PPP1R12B: variants seen among roughly 807,000 people sequenced by gnomAD.
PPP1R12B encodes myosin phosphatase target subunit 2.
Under a neutral mutation model 126.1 loss-of-function variants are expected in PPP1R12B, and 76 were observed. The ratio of observed to expected loss-of-function variants is 0.60; its 90% confidence interval spans 0.50 to 0.73. The LOEUF is 0.73. Among genes scored for constraint, PPP1R12B ranks in the 30% least tolerant of loss-of-function variants. The probability of loss-of-function intolerance (pLI) is 0.00; values close to 1 mark genes in which losing one functional copy is unlikely to be tolerated. For synonymous variants in PPP1R12B, 356 were observed against 434.7 expected (o/e 0.82, Z 2.25); for missense variants, 1,052 against 1,205.1 (o/e 0.87, Z 1.88).
At position 202,562,770 on chromosome 1, in the gene PPP1R12B, TC is replaced by T; in HGVS notation, c.2508-5del. ...ACCAATTTTTATCTTTAATATTATCTCCCACAGGTTGGAATCGGGAGGTAGT... is the reference window on the plus strand; with the variant it reads ...ACCAATTTTTATCTTTAATATTATCTCCACAGGTTGGAATCGGGAGGTAGT... On this transcript the variant is annotated splice_polypyrimidine_tract_variant and splice_region_variant and intron_variant, in intron 19 of 23. Transcript: ENST00000608999. 6.2e-7 allele frequency: 1 copy of T among 1,609,180 alleles called. No homozygotes were observed. Among genetic ancestry groups the T allele is most frequent in the South Asian group, 1.1e-5 (1 of 90,800 alleles).
At chr1:202,564,601 C>A in intron 21 of PPP1R12B, 54 bp downstream of exon 21, 1 of 1,409,400 alleles carries the variant, frequency 7.1e-7, no homozygotes, top group Non-Finnish European at 9.9e-7. Flanking sequence ...TGTAAGGAAG[C>A]AAACTAGACT....
intron 1 of PPP1R12B, among the ~76,000 whole-genome samples, chr1:202,363,243 A>T (rs1658535957): frequency 1.3e-5 from 2 of 152,206 alleles, no homozygotes; most frequent in South Asian, 4.1e-4. Flanking sequence ...GGATACAAAC[A>T]TGGCATACAA....
chr1:202,357,414 G>T (rs1657311141), intron 1 of PPP1R12B, among the ~76,000 whole-genome samples: 2 of 152,100 alleles, frequency 1.3e-5, no homozygotes, highest in Non-Finnish European at 2.9e-5. Context: ...GAGGTTATAT[G>T]AAGTTTTTTT....
intron 18 of PPP1R12B, among the ~76,000 whole-genome samples, chr1:202,503,726 G>A (rs1273683147): frequency 1.3e-5 from 2 of 151,576 alleles, no homozygotes; most frequent in Middle Eastern, 3.4e-3. Context: ...TTTCCAAAAC[G>A]AAATCAAACA....
At chr1:202,563,236 C>T (rs139204922) in intron 20 of PPP1R12B, among the ~76,000 whole-genome samples, 230 of 152,290 alleles carry the variant, frequency 1.5e-3, no homozygotes, top group Non-Finnish European at 2.7e-3. Context: ...CCTGCCACAG[C>T]CTCCCACATA....
chr1:202,432,707 G>A (rs1323116245), intron 8 of PPP1R12B, among the ~76,000 whole-genome samples: 2 of 152,216 alleles, frequency 1.3e-5, no homozygotes, highest in Non-Finnish European at 1.5e-5. Flanking sequence ...GAAAAGAATA[G>A]TGTACCTAAG....
intron 1 of PPP1R12B, among the ~76,000 whole-genome samples, chr1:202,354,187 C>T (rs992392811): frequency 2.6e-5 from 4 of 152,002 alleles, no homozygotes; most frequent in Admixed American, 1.3e-4. Flanking sequence ...TTGACAAATG[C>T]GTACAGTTGT....
chr1:202,574,122 AT>A (rs1232880937), intron 23 of PPP1R12B, among the ~76,000 whole-genome samples: 8 of 147,146 alleles, frequency 5.4e-5, no homozygotes, highest in African/African-American at 1.8e-4. Flanking sequence ...GTTCTTTCTT[AT>A]TTTGGTATGT....
At chr1:202,522,788 T>C (rs183159643) in intron 18 of PPP1R12B, among the ~76,000 whole-genome samples, 1 of 152,280 alleles carries the variant, frequency 6.6e-6, no homozygotes, top group Non-Finnish European at 1.5e-5. Context: ...CATGAACATG[T>C]TTTTGCTTTA....
rs192279422 is a variant in PPP1R12B, at chr1:202,369,780, A to G, written c.291+20638A>G. On this transcript the variant is annotated intron_variant, in intron 1 of 23. Transcript: ENST00000608999. Reference sequence around the variant, plus strand: ...ACTCTTGTACTTGCCTCGCTTTACCATGGTGTGGCATTGGGCACACTTTTT... The same window carrying G: ...ACTCTTGTACTTGCCTCGCTTTACCGTGGTGTGGCATTGGGCACACTTTTT... 231 of 151,314 alleles carry G rather than the reference A, an allele frequency of 1.5e-3. 2 individuals are homozygous for G. The East Asian group carries it at 0.021, about 14-fold the overall frequency. The allele number at this position is 151,314 out of a possible 1,614,324, so 9.4% of individuals were successfully genotyped here. A position where few individuals can be genotyped will look rare whatever the true frequency, so the allele number is the denominator to read the frequency against.
chr1:202,427,318 T>C (rs1669658094), intron 5 of PPP1R12B, 134 bp downstream of exon 5: 1 of 1,241,694 alleles, frequency 8.1e-7, no homozygotes, highest in Non-Finnish European at 1.1e-6. Flanking sequence ...AATGTTACCC[T>C]CCACCACCCT....
chr1:202,353,217 T>A (rs537602223), intron 1 of PPP1R12B, among the ~76,000 whole-genome samples: 34 of 152,310 alleles, frequency 2.2e-4, no homozygotes, highest in African/African-American at 6.5e-4. Flanking sequence ...AAAATAAAAC[T>A]TGTGCTTTTA....
intron 12 of PPP1R12B, among the ~76,000 whole-genome samples, chr1:202,447,691 C>T (rs1363845250): frequency 1.3e-5 from 2 of 152,068 alleles, no homozygotes; most frequent in African/African-American, 2.4e-5. Flanking sequence ...AAATAAAATC[C>T]TTGGCATTTC....
chr1:202,431,064 C>G (rs1670133021), intron 7 of PPP1R12B, among the ~76,000 whole-genome samples: 1 of 152,154 alleles, frequency 6.6e-6, no homozygotes, highest in South Asian at 2.1e-4. Flanking sequence ...AAAATCCTGG[C>G]TTAGGCGCTC....
intron 20 of PPP1R12B, among the ~76,000 whole-genome samples, chr1:202,563,572 CAT>C (rs920719271): frequency 6.9e-6 from 1 of 145,220 alleles, no homozygotes; most frequent in African/African-American, 2.6e-5. Context: ...TTTTAACAAA[CAT>C]GTGCTTCTAA....
intron 1 of PPP1R12B, among the ~76,000 whole-genome samples, chr1:202,351,798 C>G (rs970253770): frequency 5.3e-5 from 8 of 152,212 alleles, no homozygotes; most frequent in African/African-American, 1.9e-4. Flanking sequence ...ATGTTAGAAG[C>G]CCCCAGATAA....
intron 13 of PPP1R12B, among the ~76,000 whole-genome samples, chr1:202,473,372 T>C (rs1370718754): frequency 6.6e-6 from 1 of 152,256 alleles, no homozygotes; most frequent in Non-Finnish European, 1.5e-5. Flanking sequence ...TGTTCCTGCA[T>C]TTCTGTGTGT....
At chr1:202,357,878 A>G (rs1657400135) in intron 1 of PPP1R12B, among the ~76,000 whole-genome samples, 1 of 152,182 alleles carries the variant, frequency 6.6e-6, no homozygotes, top group East Asian at 1.9e-4. Flanking sequence ...ACTAACTTGA[A>G]TTTTGGGATT....
At chr1:202,435,951 T>A (rs576843901) in intron 9 of PPP1R12B, among the ~76,000 whole-genome samples, 1 of 152,160 alleles carries the variant, frequency 6.6e-6, no homozygotes, top group Admixed American at 6.5e-5. Flanking sequence ...GACTTCCTAC[T>A]TTTTTCAATA....
Sources: allele counts gnomAD v4.1 joint callset (sites outside exome capture counted in the v4.1 genomes callset), GRCh38; gene constraint gnomAD v4.1.1; transcripts MANE v1.5; gene names NCBI Gene and HGNC (gene_info 2026-07-23, HGNC 2026-07-21).